Variants in SEPTIN6 observed in about 807,000 individuals in gnomAD.
SEPTIN6 encodes septin 6, also known as septin-6.
A neutral mutation model predicts 33.6 loss-of-function variants in SEPTIN6; 8 were observed. That is an observed-to-expected ratio of 0.24 (90% CI 0.14 to 0.43). SEPTIN6 has a LOEUF of 0.43. Ranked by LOEUF, SEPTIN6 falls within the 20% of genes least tolerant of loss-of-function variation. The pLI is 1.00. For synonymous variants in SEPTIN6, 131 were observed against 140.0 expected, an observed-to-expected ratio of 0.94 and a Z score of 0.45; for missense variants, 250 against 340.8, an observed-to-expected ratio of 0.73 and a Z score of 2.10.
At chrX:119,688,406 T>C (rs1166351128) in intron 1 of SEPTIN6, among the ~76,000 whole-genome samples, 1 of 111,492 alleles carries the variant, frequency 9.0e-6, no homozygotes. Context: ...TTCTGCCCGC[T>C]TTTTATTTTG....
intron 1 of SEPTIN6, among the ~76,000 whole-genome samples, chrX:119,687,273 C>T (rs1278867347): frequency 2.1e-5 from 2 of 95,725 alleles, no homozygotes; most frequent in East Asian, 6.9e-4. Context: ...TTTTTTGAGA[C>T]GGAGTCTCAC....
intron 5 of SEPTIN6, among the ~76,000 whole-genome samples, chrX:119,642,714 C>T (rs994180398): frequency 1.8e-5 from 2 of 111,661 alleles, no homozygotes; most frequent in African/African-American, 6.5e-5. Context: ...CCATTCTCCT[C>T]TAGCTCTGGA....
intron 7 of SEPTIN6, among the ~76,000 whole-genome samples, chrX:119,634,091 G>A (rs1191617089): frequency 8.9e-6 from 1 of 111,942 alleles, no homozygotes; most frequent in Non-Finnish European, 1.9e-5. Context: ...GATAGGCTGG[G>A]TGCAGTGGCT....
intron 3 of SEPTIN6, among the ~76,000 whole-genome samples, chrX:119,660,253 G>A (rs997198321): frequency 8.9e-6 from 1 of 112,075 alleles, no homozygotes; most frequent in African/African-American, 3.2e-5. Context: ...ATGAGCCCTT[G>A]TAAAGCGGGA....
intron 1 of SEPTIN6, among the ~76,000 whole-genome samples, chrX:119,687,248 C>CT (rs761167270): frequency 0.13 from 12,808 of 97,500 alleles, 1,848 homozygotes; most frequent in African/African-American, 0.4. Flanking sequence ...TTTCATCTGT[C>CT]TTTTTTTTTT....
At chrX:119,620,902 G>A (rs1288360031) in intron 10 of SEPTIN6, among the ~76,000 whole-genome samples, 2 of 111,123 alleles carry the variant, frequency 1.8e-5, no homozygotes, top group Non-Finnish European at 3.8e-5. Context: ...GATTACTGGC[G>A]TGAGGCACTG....
chrX:119,647,483 C>CTCTTTTTTT (rs376139472), intron 5 of SEPTIN6, among the ~76,000 whole-genome samples: 3,468 of 74,242 alleles, frequency 0.047, 126 homozygotes, highest in South Asian at 0.11. Flanking sequence ...TTCTCTCTCT[C>CTCTTTTTTT]TTTTTTTTTT....
intron 3 of SEPTIN6, among the ~76,000 whole-genome samples, chrX:119,662,710 T>C (rs1244221723): frequency 8.9e-6 from 1 of 112,140 alleles, no homozygotes; most frequent in East Asian, 2.8e-4. Context: ...TCTGAAAGAC[T>C]CTCTGAGGAA....
chrX:119,659,904 ACT>A (rs747136435), intron 3 of SEPTIN6, among the ~76,000 whole-genome samples: 2 of 110,680 alleles, frequency 1.8e-5, no homozygotes, highest in East Asian at 5.7e-4. Flanking sequence ...ATGGAGTCTC[ACT>A]CTGTTGTCTA....
Position 119,617,635 on chromosome X carries a change from G to A in SEPTIN6, c.*2458C>T, listed in dbSNP as rs780846900. Reference sequence around the variant, plus strand: ...GTTACTCTGAACATCAAAAGACCTCGTATCCAGGAATGTAACGTATATAAA... The same window carrying A: ...GTTACTCTGAACATCAAAAGACCTCATATCCAGGAATGTAACGTATATAAA... On this transcript the variant is annotated 3_prime_UTR_variant, in exon 11 of 11. Transcript: ENST00000394610. 7 of 803,644 alleles carry A rather than the reference G, an allele frequency of 8.7e-6. No homozygotes were observed. The highest frequency in any genetic ancestry group is 1.0e-5 in the Non-Finnish European group (7 of 669,158). The allele number at this position is 803,644 out of a possible 1,213,427, so 66.2% of individuals were successfully genotyped here.
chrX:119,629,375 G>C lies in SEPTIN6; in HGVS notation c.1223C>G (p.Ser408Cys), dbSNP rs778625882. ...QRKTAAELLQSQGSQAGGSQT... is the reference protein window; with the variant it reads ...QRKTAAELLQCQGSQAGGSQT... ...TGAGCCTCCAGCCTGGGAGCCCTGG[G>C]ACTGGAGCAGCTCAGCCGCCGTCTT... is the stretch of plus-strand genomic sequence containing the variant. The change falls in exon 9 of 11, where the codon TCC becomes TGC. Residue 408 changes from serine (S) to cysteine (C), a missense_variant. Physicochemically the swap from Ser to Cys is moderately radical, Grantham distance 112. This residue lies in a region of SEPTIN6 where 139 missense variants were observed against 227.0 expected (regional missense o/e 0.61). Coordinates refer to ENST00000394610, the MANE Select transcript of SEPTIN6 (RefSeq NM_145799.4). 1.1e-4 allele frequency: 134 copies of C among 1,209,938 alleles called. 1 individual carries two copies. In the Admixed American group the frequency reaches 2.9e-3, roughly 26 times the overall value.
chrX:119,668,326 G>C (rs963785983), intron 2 of SEPTIN6, among the ~76,000 whole-genome samples: 3 of 82,766 alleles, frequency 3.6e-5, no homozygotes, highest in Non-Finnish European at 6.7e-5. Context: ...GAGAGAGAGA[G>C]AGAGAGACAG....
At chrX:119,624,144 G>GTTTTTTTTTTTTGTTTTTTTT in intron 10 of SEPTIN6, 1 of 211,644 alleles carries the variant, frequency 4.7e-6, no homozygotes. Flanking sequence ...TTTATTATGG[G>GTTTTTTTTTTTTGTTTTTTTT]TTTTTTTTTT....
intron 3 of SEPTIN6, among the ~76,000 whole-genome samples, chrX:119,661,491 T>G (rs1322376414): frequency 9.0e-6 from 1 of 111,182 alleles, no homozygotes; most frequent in Non-Finnish European, 1.9e-5. Flanking sequence ...AGGAAGTGAG[T>G]GTGGCTGTTG....
intron 2 of SEPTIN6, among the ~76,000 whole-genome samples, chrX:119,665,129 C>T (rs1456695230): frequency 3.4e-4 from 34 of 101,261 alleles, no homozygotes; most frequent in African/African-American, 1.2e-3. Context: ...TTTGATACAG[C>T]GTCTCGCTCT....
In SEPTIN6 at chrX:119,645,154, C is replaced by T. The variant is rs189497081; in HGVS notation, c.691-4366G>A. Among the ~76,000 whole-genome samples the T allele has an allele frequency of 2.0e-4, 22 of 109,008 alleles. No individual in the cohort carries two copies. In the East Asian group the frequency reaches 4.7e-3, roughly 23 times the overall value. The allele number at this position is 109,008 out of a possible 115,157, so 94.7% of individuals were successfully genotyped here. A position where few individuals can be genotyped will look rare whatever the true frequency, so the allele number is the denominator to read the frequency against. ...AACTCCTGACCTTGGGTGATCCACC[C>T]GCCTTGGTCTCTCAAAGTGCTGGGA... is the stretch of plus-strand genomic sequence containing the variant. On this transcript the variant is annotated intron_variant, in intron 5 of 10. Transcript: ENST00000394610.
intron 5 of SEPTIN6, among the ~76,000 whole-genome samples, chrX:119,643,197 A>T (rs188960757): frequency 0.016 from 1,768 of 110,397 alleles, 11 homozygotes; most frequent in Non-Finnish European, 0.024. Flanking sequence ...ACTTTCTGGG[A>T]GGACATTTCC....
At chrX:119,639,266 C>G (rs2054114028) in intron 6 of SEPTIN6, among the ~76,000 whole-genome samples, 1 of 111,628 alleles carries the variant, frequency 9.0e-6, no homozygotes, top group African/African-American at 3.3e-5. Flanking sequence ...GATGAGTTTA[C>G]AGAGAACCAG....
At chrX:119,650,121 G>T (rs1214150491) in intron 4 of SEPTIN6, 23 bp from the exon 5 acceptor site, 4 of 1,204,972 alleles carry the variant, frequency 3.3e-6, no homozygotes, top group South Asian at 1.8e-5. Context: ...GGGGCAAAGT[G>T]GGGTCATTGT....
Sources: allele counts gnomAD v4.1 joint callset (sites outside exome capture counted in the v4.1 genomes callset), GRCh38; gene constraint gnomAD v4.1.1; regional missense constraint gnomAD v4.1.1; transcripts MANE v1.5; gene names NCBI Gene and HGNC (gene_info 2026-07-23, HGNC 2026-07-21).